EVI5: variants seen among roughly 807,000 people sequenced by gnomAD.
The protein encoded by EVI5 is ecotropic viral integration site 5 protein homolog.
In EVI5, 73 loss-of-function variants were observed where a neutral mutation model predicts 112.0. The observed-to-expected ratio is 0.65, with a 90% CI of 0.54 to 0.79. EVI5 has a LOEUF of 0.79. EVI5 is among the 30% of genes least tolerant of loss of function. The pLI is 0.00. For synonymous variants in EVI5, 305 were observed against 319.9 expected, an observed-to-expected ratio of 0.95 and a Z score of 0.50; for missense variants, 900 against 968.8, an observed-to-expected ratio of 0.93 and a Z score of 0.94.
At chr1:92,760,296 G>C (rs993898069) in intron 1 of EVI5, among the ~76,000 whole-genome samples, 6 of 152,186 alleles carry the variant, frequency 3.9e-5, no homozygotes, top group Non-Finnish European at 1.5e-5. Context: ...AGGATTGCAG[G>C]TTAGCAGCAC....
chr1:92,786,436 G>A (rs890663245), upstream of EVI5, among the ~76,000 whole-genome samples: 2 of 152,054 alleles, frequency 1.3e-5, no homozygotes, highest in Admixed American at 6.6e-5. Flanking sequence ...CTCAATCCTT[G>A]TATAAGAAAA....
At chr1:92,745,626 C>G (rs1036593962) in intron 1 of EVI5, among the ~76,000 whole-genome samples, 1 of 152,134 alleles carries the variant, frequency 6.6e-6, no homozygotes, top group South Asian at 2.1e-4. Flanking sequence ...CCAGCCTGGG[C>G]AACATAATGA....
chr1:92,698,191 C>T (rs555867774), intron 5 of EVI5, among the ~76,000 whole-genome samples: 2 of 152,164 alleles, frequency 1.3e-5, no homozygotes, highest in Admixed American at 6.5e-5. Flanking sequence ...ATCTTACAAC[C>T]TCTGAAACCA....
At chr1:92,692,275 G>A (rs1669610353) in intron 9 of EVI5, among the ~76,000 whole-genome samples, 1 of 152,208 alleles carries the variant, frequency 6.6e-6, no homozygotes, top group African/African-American at 2.4e-5. Context: ...TAGTTACCAA[G>A]AAGGTTAAGG....
intron 13 of EVI5, among the ~76,000 whole-genome samples, chr1:92,658,352 A>T (rs554369301): frequency 6.6e-6 from 1 of 152,330 alleles, no homozygotes; most frequent in South Asian, 2.1e-4. Flanking sequence ...GATTCCTCCA[A>T]AAGGCTCTTA....
chr1:92,771,104 C>A (rs1220923061), intron 1 of EVI5, among the ~76,000 whole-genome samples: 1 of 152,022 alleles, frequency 6.6e-6, no homozygotes, highest in African/African-American at 2.4e-5. Flanking sequence ...GAGAGAGCCA[C>A]AGCGCCTGGC....
intron 10 of EVI5, among the ~76,000 whole-genome samples, chr1:92,672,188 T>C (rs1241812429): frequency 1.3e-5 from 2 of 152,166 alleles, no homozygotes; most frequent in Non-Finnish European, 2.9e-5. Flanking sequence ...CAATTTACTC[T>C]TAACACAGCA....
intron 2 of EVI5, among the ~76,000 whole-genome samples, chr1:92,713,740 G>A (rs968212293): frequency 6.6e-6 from 1 of 152,158 alleles, no homozygotes; most frequent in Non-Finnish European, 1.5e-5. Context: ...TTGCACCACT[G>A]CACTCCAGCC....
chr1:92,713,135 A>G (rs1285945133), intron 2 of EVI5, among the ~76,000 whole-genome samples: 1 of 151,898 alleles, frequency 6.6e-6, no homozygotes, highest in Non-Finnish European at 1.5e-5. Context: ...TTGAAATGTC[A>G]CTTCAACAGG....
At chr1:92,526,720 C>T (rs1245949722) in intron 19 of EVI5, among the ~76,000 whole-genome samples, 2 of 151,648 alleles carry the variant, frequency 1.3e-5, no homozygotes, top group African/African-American at 4.9e-5. Flanking sequence ...ACAGGTGGAA[C>T]ACAGGGGATT....
At chr1:92,536,705 T>C (rs1663962460) in intron 19 of EVI5, among the ~76,000 whole-genome samples, 1 of 152,180 alleles carries the variant, frequency 6.6e-6, no homozygotes, top group African/African-American at 2.4e-5. Flanking sequence ...AGTCTTTAAA[T>C]GTAGGTTCTT....
chr1:92,601,702 C>T (rs918807574), intron 18 of EVI5, among the ~76,000 whole-genome samples: 21 of 151,662 alleles, frequency 1.4e-4, no homozygotes, highest in Non-Finnish European at 2.8e-4. Context: ...GGGCTAGATG[C>T]GGGGTTAGGG....
At chr1:92,614,095 G>A (rs1652498638) in intron 16 of EVI5, among the ~76,000 whole-genome samples, 1 of 152,082 alleles carries the variant, frequency 6.6e-6, no homozygotes, top group African/African-American at 2.4e-5. Context: ...TATTGCTAAG[G>A]GAATTTGAAG....
intron 13 of EVI5, among the ~76,000 whole-genome samples, chr1:92,643,772 T>C (rs1660434619): frequency 6.6e-6 from 1 of 152,232 alleles, no homozygotes; most frequent in African/African-American, 2.4e-5. Context: ...TAATATTCTA[T>C]TGTAACATAA....
intron 1 of EVI5, among the ~76,000 whole-genome samples, chr1:92,761,920 T>G (rs183715562): frequency 6.7e-6 from 1 of 148,520 alleles, no homozygotes; most frequent in Non-Finnish European, 1.5e-5. Flanking sequence ...CCATGCAATG[T>G]CTTGCATATT....
intron 2 of EVI5, among the ~76,000 whole-genome samples, chr1:92,711,723 G>A (rs1354408203): frequency 6.6e-6 from 1 of 152,188 alleles, no homozygotes; most frequent in Admixed American, 6.5e-5. Flanking sequence ...ACATCTCTTT[G>A]TAATGTAACA....
At chr1:92,527,975 G>C (rs920641010) in intron 19 of EVI5, among the ~76,000 whole-genome samples, 14 of 152,138 alleles carry the variant, frequency 9.2e-5, no homozygotes, top group African/African-American at 3.4e-4. Context: ...TTTCTCTAGA[G>C]TGTAACTTCT....
At chr1:92,565,913 T>A (rs1343882026) in intron 18 of EVI5, among the ~76,000 whole-genome samples, 1 of 135,556 alleles carries the variant, frequency 7.4e-6, no homozygotes, top group East Asian at 2.1e-4. Flanking sequence ...CAGGTTGCAG[T>A]GAGCTGAGAT....
At chr1:92,622,976 C>G (rs1258929034) in intron 16 of EVI5, among the ~76,000 whole-genome samples, 4 of 152,188 alleles carry the variant, frequency 2.6e-5, no homozygotes, top group Non-Finnish European at 1.5e-5. Context: ...ATGGCTGAGA[C>G]AGTGCTTTGT....
Sources: allele counts gnomAD v4.1 joint callset (sites outside exome capture counted in the v4.1 genomes callset), GRCh38; gene constraint gnomAD v4.1.1; transcripts MANE v1.5; gene names NCBI Gene and HGNC (gene_info 2026-07-23, HGNC 2026-07-21).